DLGAP2: variants seen among roughly 807,000 people sequenced by gnomAD.
DLGAP2 encodes DLG associated protein 2, also known as disks large-associated protein 2.
In DLGAP2, 26 loss-of-function variants were observed where a neutral mutation model predicts 100.3. The ratio of observed to expected loss-of-function variants is 0.26; its 90% CI spans 0.19 to 0.36. The LOEUF (loss-of-function observed/expected upper bound fraction) is 0.36. Ranked by LOEUF, DLGAP2 falls within the 10% of genes least tolerant of loss-of-function variation. DLGAP2 has a pLI of 1.00. For synonymous variants in DLGAP2, 886 were observed against 630.1 expected, an observed-to-expected ratio of 1.41 and a Z score of -6.08; for missense variants, 1,858 against 1,453.2, an observed-to-expected ratio of 1.28 and a Z score of -4.53.
At chr8:817,656 C>T (rs1490479627) in intron 1 of DLGAP2, among the ~76,000 whole-genome samples, 1 of 152,196 alleles carries the variant, frequency 6.6e-6, no homozygotes, top group South Asian at 2.1e-4. Context: ...CCACGGGGTG[C>T]TACCTTGATG....
intron 7 of DLGAP2, 47 bp downstream of exon 7, chr8:1,626,934 C>T (rs1230388983): frequency 1.9e-6 from 3 of 1,547,396 alleles, no homozygotes; most frequent in Admixed American, 1.9e-5. Context: ...TCTCCCCAGC[C>T]AGGCTGGCAC....
chr8:887,248 T>G (rs772750143), intron 1 of DLGAP2, among the ~76,000 whole-genome samples: 23 of 152,186 alleles, frequency 1.5e-4, no homozygotes, highest in Non-Finnish European at 8.8e-5. Context: ...ATCCCTTTAT[T>G]TTGAGCCTAC....
intron 1 of DLGAP2, among the ~76,000 whole-genome samples, chr8:778,903 A>G (rs1481596110): frequency 2.0e-5 from 3 of 152,228 alleles, no homozygotes; most frequent in Non-Finnish European, 2.9e-5. Context: ...TGTTTACCTA[A>G]GCAAGCCTGG....
chr8:990,054 G>C (rs896420344), intron 2 of DLGAP2, among the ~76,000 whole-genome samples: 12 of 152,074 alleles, frequency 7.9e-5, no homozygotes, highest in Non-Finnish European at 4.4e-5. Context: ...CTTCATTACA[G>C]ATCACTGCTT....
At chr8:888,161 T>C (rs1280816393) in intron 1 of DLGAP2, among the ~76,000 whole-genome samples, 1 of 152,212 alleles carries the variant, frequency 6.6e-6, no homozygotes, top group Non-Finnish European at 1.5e-5. Context: ...TATCCTCTCT[T>C]CCACTTGGTC....
At chr8:1,254,946 G>GCCGCT (rs1799143047) in intron 2 of DLGAP2, among the ~76,000 whole-genome samples, 4 of 141,722 alleles carry the variant, frequency 2.8e-5, no homozygotes, top group African/African-American at 1.0e-4. Flanking sequence ...CTCCTGCCCG[G>GCCGCT]GTGCTGTGTG....
chr8:1,337,568 AGAG>A (rs1323956681), intron 3 of DLGAP2, among the ~76,000 whole-genome samples: 11 of 4,348 alleles, frequency 2.5e-3, no homozygotes, highest in Non-Finnish European at 6.8e-3. Context: ...GTGGTGATGA[AGAG>A]GAGGAGGAAG....
At chr8:1,508,837 G>A (rs1800049901) in intron 4 of DLGAP2, among the ~76,000 whole-genome samples, 1 of 151,708 alleles carries the variant, frequency 6.6e-6, no homozygotes, top group African/African-American at 2.4e-5. Context: ...CCAGGCTCGG[G>A]CTCCGGGGAT....
chr8:1,313,201 C>T (rs899451769), intron 3 of DLGAP2, among the ~76,000 whole-genome samples: 2 of 152,176 alleles, frequency 1.3e-5, no homozygotes, highest in Admixed American at 1.3e-4. Flanking sequence ...AACCCAGTAG[C>T]AAAAGTTGTC....
intron 1 of DLGAP2, among the ~76,000 whole-genome samples, chr8:793,924 A>G (rs1375022026): frequency 3.3e-5 from 5 of 151,772 alleles, no homozygotes; most frequent in Admixed American, 2.0e-4. Context: ...CTCTCCCTCT[A>G]TTGTGGGTTT....
chr8:1,450,316 A>T (rs1253007509), intron 3 of DLGAP2, among the ~76,000 whole-genome samples: 5 of 57,418 alleles, frequency 8.7e-5, no homozygotes, highest in Admixed American at 3.5e-4. Flanking sequence ...TCGGTGGCTG[A>T]GGCGGAGCTG....
At chr8:741,232 A>G (rs1429514246) in intron 1 of DLGAP2, among the ~76,000 whole-genome samples, 1 of 152,226 alleles carries the variant, frequency 6.6e-6, no homozygotes, top group Non-Finnish European at 1.5e-5. Context: ...GGCATTGACC[A>G]GGCATGGGGT....
chr8:1,360,077 A>G (rs1034963117), intron 3 of DLGAP2, among the ~76,000 whole-genome samples: 1 of 152,090 alleles, frequency 6.6e-6, no homozygotes, highest in African/African-American at 2.4e-5. Context: ...CACTGAGGAA[A>G]TCCACCGAAG....
chr8:998,789 T>C (rs1282449768), intron 2 of DLGAP2, among the ~76,000 whole-genome samples: 1 of 152,232 alleles, frequency 6.6e-6, no homozygotes, highest in Non-Finnish European at 1.5e-5. Context: ...TCCTTGGAGC[T>C]TGAATATACT....
intron 8 of DLGAP2, among the ~76,000 whole-genome samples, chr8:1,640,782 T>C (rs930769535): frequency 1.4e-4 from 22 of 152,072 alleles, no homozygotes; most frequent in Admixed American, 7.2e-4. Context: ...CCCCCCCGCA[T>C]CTAGACTTGT....
chr8:796,503 C>T (rs1300611811), intron 1 of DLGAP2, among the ~76,000 whole-genome samples: 3 of 152,284 alleles, frequency 2.0e-5, no homozygotes, highest in South Asian at 2.1e-4. Context: ...GAGGGTGTGG[C>T]CTGCTCTGTT....
chr8:935,019 C>T lies in DLGAP2; in HGVS notation c.73+27053C>T, dbSNP rs142672007. Among the ~76,000 whole-genome samples, 616 of 152,296 alleles carry T rather than the reference C, an allele frequency of 4.0e-3. 4 individuals carry two copies. The highest frequency in any genetic ancestry group is 0.017 in the Middle Eastern group (5 of 294). On this transcript the variant is annotated intron_variant, in intron 2 of 14. Coordinates refer to ENST00000637795, the MANE Select transcript of DLGAP2 (RefSeq NM_001346810.2). Reference sequence around the variant, plus strand: ...GTAGGAACGTGTATTACTCGGCTTCCGTTGGCACTGGGAAGGGCACAATAC... The same window carrying T: ...GTAGGAACGTGTATTACTCGGCTTCTGTTGGCACTGGGAAGGGCACAATAC...
intron 2 of DLGAP2, among the ~76,000 whole-genome samples, chr8:965,618 G>A (rs537005309): frequency 5.2e-5 from 6 of 114,642 alleles, no homozygotes; most frequent in South Asian, 2.8e-4. Flanking sequence ...GTCTGGCCCC[G>A]CACTGCACAC....
chr8:1,639,695 G>C (rs1237232449), intron 8 of DLGAP2, among the ~76,000 whole-genome samples: 1 of 152,230 alleles, frequency 6.6e-6, no homozygotes, highest in East Asian at 1.9e-4. Context: ...TCTAAAGTAG[G>C]TTCTGTGGGG....
Sources: gnomAD v4.1 joint callset for allele counts (sites outside exome capture counted in the v4.1 genomes callset) on GRCh38, gnomAD v4.1.1 for gene constraint, MANE v1.5 for transcripts, NCBI Gene and HGNC (gene_info 2026-07-23, HGNC 2026-07-21) for gene names.